The following PHKB variants were observed in gnomAD, a reference collection of about 807,000 sequenced individuals.
PHKB encodes the protein phosphorylase b kinase regulatory subunit beta.
A neutral mutation model predicts 152.1 loss-of-function variants in PHKB; 122 were observed. That is an observed-to-expected ratio of 0.80 (90% CI 0.69 to 0.93). The LOEUF (loss-of-function observed/expected upper bound fraction) is 0.93, where lower values mean the gene tolerates loss of function less well. Ranked by LOEUF, PHKB falls within the 40% of genes least tolerant of loss-of-function variation. The pLI is 0.00. For missense variants in PHKB, 1,304 were observed against 1,328.4 expected (o/e 0.98, Z 0.29); for synonymous variants, 436 against 464.9 (o/e 0.94, Z 0.80).
chr16:47,656,966 A>AT (rs1973349515), intron 20 of PHKB, among the ~76,000 whole-genome samples: 2 of 152,014 alleles, frequency 1.3e-5, no homozygotes, highest in African/African-American at 4.8e-5. Context: ...CTATGATGGT[A>AT]TTTTAGAGTT....
At chr16:47,565,888 T>A in intron 7 of PHKB, 1 of 1,163,414 alleles carries the variant, frequency 8.6e-7, no homozygotes, top group Non-Finnish European at 1.2e-6. Flanking sequence ...TCCTTAGGAG[T>A]ACTCTGAGGC....
chr16:47,471,928 C>T (rs1022377629), intron 1 of PHKB, among the ~76,000 whole-genome samples: 1 of 152,018 alleles, frequency 6.6e-6, no homozygotes, highest in East Asian at 1.9e-4. Context: ...TGGTGGCGGG[C>T]GCCTGTAGTC....
At chr16:47,689,631 A>C (rs1251950428) in intron 27 of PHKB, among the ~76,000 whole-genome samples, 1 of 152,238 alleles carries the variant, frequency 6.6e-6, no homozygotes, top group East Asian at 1.9e-4. Context: ...CTAAGCTTAC[A>C]CTAAGAACAA....
chr16:47,566,556 T>A (rs2151684922), intron 7 of PHKB: 1 of 1,579,750 alleles, frequency 6.3e-7, no homozygotes, highest in East Asian at 2.3e-5. Context: ...TCTAAAGAAT[T>A]CTTTAATGTA....
chr16:47,573,647 A>C (rs1338235291), intron 7 of PHKB, among the ~76,000 whole-genome samples: 1 of 152,136 alleles, frequency 6.6e-6, no homozygotes, highest in Non-Finnish European at 1.5e-5. Flanking sequence ...ACAAAGACCA[A>C]GGCTTCCAGG....
At chr16:47,581,163 A>C (rs888916531) in intron 8 of PHKB, among the ~76,000 whole-genome samples, 4 of 152,234 alleles carry the variant, frequency 2.6e-5, no homozygotes, top group African/African-American at 9.6e-5. Context: ...TGTGCAAAAA[A>C]AACGACATGG....
In PHKB at chr16:47,499,864, C is replaced by T. The variant is rs1427535646; in HGVS notation, c.275C>T (p.Ala92Val). The change falls in exon 3 of 31, where the codon GCT becomes GTT. Residue 92 changes from alanine (A) to valine (V), a missense_variant. By Grantham distance (64) the Ala-to-Val change is moderately conservative. Transcript: ENST00000323584. ...ATCCAGGACAGCCTATACTGCGCTGCTGGGGCCTGGGCTTTGGCTCTTGCA... is the reference window on the plus strand; with the variant it reads ...ATCCAGGACAGCCTATACTGCGCTGTTGGGGCCTGGGCTTTGGCTCTTGCA... ...AKIQDSLYCA[A>V]GAWALALAYR... 2.5e-6 allele frequency: 4 copies of T among 1,614,046 alleles called. No homozygotes were observed. The highest frequency in any genetic ancestry group is 3.4e-6 in the Non-Finnish European group (4 of 1,180,030).
chr16:47,614,427 A>C (rs1355217593), intron 14 of PHKB, among the ~76,000 whole-genome samples: 1 of 152,186 alleles, frequency 6.6e-6, no homozygotes, highest in Non-Finnish European at 1.5e-5. Context: ...TTGTTTAACC[A>C]TTCACACATT....
At chr16:47,600,460 T>G (rs1972202841) in intron 13 of PHKB, among the ~76,000 whole-genome samples, 2 of 152,240 alleles carry the variant, frequency 1.3e-5, no homozygotes, top group Non-Finnish European at 2.9e-5. Flanking sequence ...TATTCAAATT[T>G]GAAAGTTTAG....
chr16:47,573,651 T>C (rs1293371805), intron 7 of PHKB, among the ~76,000 whole-genome samples: 1 of 152,136 alleles, frequency 6.6e-6, no homozygotes, highest in African/African-American at 2.4e-5. Flanking sequence ...AGACCAAGGC[T>C]TCCAGGCCAC....
chr16:47,696,682 C>T (rs1439405343), intron 29 of PHKB, among the ~76,000 whole-genome samples, 194 bp downstream of exon 29: 2 of 152,128 alleles, frequency 1.3e-5, no homozygotes, highest in Non-Finnish European at 2.9e-5. Flanking sequence ...GATGGCCACC[C>T]CTGACCCAAG....
At chr16:47,556,752 A>C (rs997562552) in intron 7 of PHKB, among the ~76,000 whole-genome samples, 6 of 152,150 alleles carry the variant, frequency 3.9e-5, no homozygotes, top group African/African-American at 9.7e-5. Flanking sequence ...TGTCTCTGCC[A>C]GGCTTTGGTA....
chr16:47,578,833 A>T (rs181152587), intron 7 of PHKB, among the ~76,000 whole-genome samples: 1 of 152,090 alleles, frequency 6.6e-6, no homozygotes. Flanking sequence ...GCTGGAATGG[A>T]TGGGGGTAGG....
At chr16:47,488,660 T>G (rs1390010878) in intron 1 of PHKB, among the ~76,000 whole-genome samples, 1 of 152,238 alleles carries the variant, frequency 6.6e-6, no homozygotes, top group Non-Finnish European at 1.5e-5. Flanking sequence ...ATCTTCTGCA[T>G]ATGACTAGCC....
intron 7 of PHKB, among the ~76,000 whole-genome samples, chr16:47,550,392 T>C (rs1367949434): frequency 3.3e-5 from 5 of 152,256 alleles, no homozygotes; most frequent in Non-Finnish European, 5.9e-5. Flanking sequence ...ATCCTTGTTA[T>C]ATCCTGAAAC....
intron 6 of PHKB, among the ~76,000 whole-genome samples, chr16:47,530,730 A>G (rs1970848304): frequency 6.6e-6 from 1 of 152,228 alleles, no homozygotes; most frequent in Non-Finnish European, 1.5e-5. Flanking sequence ...AGTAAATATT[A>G]TACTCTAAAG....
chr16:47,618,172 T>C (rs921697969), intron 14 of PHKB, among the ~76,000 whole-genome samples: 1 of 152,274 alleles, frequency 6.6e-6, no homozygotes, highest in African/African-American at 2.4e-5. Context: ...AAGTTTTCTC[T>C]GCTCTGCTTT....
At position 47,540,218 on chromosome 16, in the gene PHKB, C is replaced by T. The variant is rs1350520814; in HGVS notation, c.595-7215C>T. 3.3e-5 allele frequency among the ~76,000 whole-genome samples: 5 copies of T among 151,568 alleles called. No individual in the cohort carries two copies. In the Middle Eastern group the frequency reaches 0.01, roughly 309 times the overall value. On this transcript the variant is annotated intron_variant, in intron 6 of 30. Coordinates refer to ENST00000323584, the MANE Select transcript of PHKB (RefSeq NM_000293.3). ...AATATGCCCTGGTCTCCTGCAGTAC[C>T]CTCAGGTTTATTAGGGTGTGGAAAA...
intron 1 of PHKB, among the ~76,000 whole-genome samples, chr16:47,473,323 A>G (rs1969813041): frequency 7.3e-6 from 1 of 137,560 alleles, no homozygotes; most frequent in South Asian, 2.3e-4. Flanking sequence ...ACTCCTCCCA[A>G]CTCTGCCTCC....
Sources: allele counts gnomAD v4.1 joint callset (sites outside exome capture counted in the v4.1 genomes callset), GRCh38; gene constraint gnomAD v4.1.1; transcripts MANE v1.5; gene names NCBI Gene and HGNC (gene_info 2026-07-23, HGNC 2026-07-21).